Variants in AFF3 observed in about 807,000 individuals in gnomAD.
The protein encoded by AFF3 is ALF transcription elongation factor 3.
In AFF3, 32 loss-of-function variants were observed where a neutral mutation model predicts 129.7. The observed-to-expected ratio is 0.25, with a 90% CI of 0.19 to 0.33. The LOEUF (loss-of-function observed/expected upper bound fraction) is 0.33. AFF3 is among the 10% of genes least tolerant of loss of function. The probability of loss-of-function intolerance (pLI) is 1.00; values close to 1 mark genes in which losing one functional copy is unlikely to be tolerated. For synonymous variants in AFF3, 644 were observed against 635.4 expected, an observed-to-expected ratio of 1.01 and a Z score of -0.20; for missense variants, 1,373 against 1,592.0, an observed-to-expected ratio of 0.86 and a Z score of 2.34.
intron 7 of AFF3, among the ~76,000 whole-genome samples, chr2:99,909,068 C>T (rs572682258): frequency 6.6e-5 from 10 of 152,128 alleles, no homozygotes; most frequent in African/African-American, 2.2e-4. Flanking sequence ...TTCACAATAG[C>T]AAAGACTTGG....
At chr2:100,047,370 G>A (rs901059176) in intron 4 of AFF3, among the ~76,000 whole-genome samples, 1 of 152,168 alleles carries the variant, frequency 6.6e-6, no homozygotes, top group African/African-American at 2.4e-5. Context: ...GGTGACAGAA[G>A]GTGAATGCAA....
intron 7 of AFF3, among the ~76,000 whole-genome samples, chr2:99,996,605 C>G (rs934416416): frequency 7.8e-5 from 11 of 141,744 alleles, no homozygotes; most frequent in Admixed American, 1.5e-4. Flanking sequence ...TGGTCTCGAT[C>G]TCCTGACCTT....
At chr2:99,836,014 C>T (rs1688847096) in intron 8 of AFF3, among the ~76,000 whole-genome samples, 1 of 152,174 alleles carries the variant, frequency 6.6e-6, no homozygotes. Context: ...TTTGCTTTAC[C>T]TAAACTCTAT....
intron 13 of AFF3, among the ~76,000 whole-genome samples, chr2:99,620,521 C>T (rs1681899173): frequency 6.6e-6 from 1 of 152,016 alleles, no homozygotes; most frequent in Admixed American, 6.6e-5. Context: ...CCTAATTACT[C>T]GGAGGCTGAG....
At chr2:99,589,305 G>A (rs1487750715) in intron 15 of AFF3, among the ~76,000 whole-genome samples, 1 of 151,934 alleles carries the variant, frequency 6.6e-6, no homozygotes, top group Non-Finnish European at 1.5e-5. Flanking sequence ...AGGAATAGCA[G>A]GTAGGGAAGA....
intron 10 of AFF3, among the ~76,000 whole-genome samples, chr2:99,729,363 T>G (rs763129679): frequency 7.2e-5 from 11 of 152,178 alleles, no homozygotes; most frequent in Admixed American, 4.6e-4. Flanking sequence ...ACTTATGTTG[T>G]GGCAACAGGG....
chr2:99,622,198 G>T (rs1682088316), intron 13 of AFF3, among the ~76,000 whole-genome samples: 2 of 152,086 alleles, frequency 1.3e-5, no homozygotes, highest in South Asian at 4.1e-4. Context: ...GAGGGTGGGT[G>T]CGTTCTCCTC....
chr2:99,776,873 C>T (rs62150112), intron 8 of AFF3, among the ~76,000 whole-genome samples: 3 of 152,180 alleles, frequency 2.0e-5, no homozygotes, highest in Non-Finnish European at 2.9e-5. Context: ...AAAATCAGAC[C>T]ACCATCAGCA....
intron 24 of AFF3, among the ~76,000 whole-genome samples, chr2:99,553,273 T>C (rs555325911): frequency 1.3e-5 from 2 of 152,336 alleles, no homozygotes; most frequent in African/African-American, 4.8e-5. Flanking sequence ...TGGTGGCTTC[T>C]GACCCCCATG....
At chr2:100,055,593 A>G (rs1280828678) in intron 4 of AFF3, among the ~76,000 whole-genome samples, 1 of 152,188 alleles carries the variant, frequency 6.6e-6, no homozygotes, top group Admixed American at 6.5e-5. Flanking sequence ...AGGTGATTCT[A>G]ATGTACAGCA....
chr2:99,865,886 T>C (rs1460956031), intron 7 of AFF3, among the ~76,000 whole-genome samples: 1 of 152,228 alleles, frequency 6.6e-6, no homozygotes, highest in Non-Finnish European at 1.5e-5. Context: ...TCTATAAGCC[T>C]ATTATGGATA....
At chr2:99,882,677 T>C (rs1190695309) in intron 7 of AFF3, among the ~76,000 whole-genome samples, 2 of 152,254 alleles carry the variant, frequency 1.3e-5, no homozygotes, top group Non-Finnish European at 2.9e-5. Context: ...CTGGCCATCC[T>C]GTTCCAGTTT....
chr2:99,645,219 C>T (rs1684590124), intron 13 of AFF3, among the ~76,000 whole-genome samples: 1 of 152,096 alleles, frequency 6.6e-6, no homozygotes, highest in Non-Finnish European at 1.5e-5. Flanking sequence ...TGGCACTGGG[C>T]AGGGCACGGG....
intron 7 of AFF3, among the ~76,000 whole-genome samples, chr2:99,929,463 A>G (rs1576368954): frequency 1.3e-5 from 2 of 152,234 alleles, no homozygotes; most frequent in Admixed American, 6.5e-5. Flanking sequence ...GAACCTAATC[A>G]TCCCTTTCAT....
intron 19 of AFF3, among the ~76,000 whole-genome samples, chr2:99,566,195 G>A (rs1010428044): frequency 6.6e-6 from 1 of 150,828 alleles, no homozygotes; most frequent in Non-Finnish European, 1.5e-5. Flanking sequence ...TCCTGCCTCA[G>A]CCTCCCACGT....
intron 10 of AFF3, among the ~76,000 whole-genome samples, chr2:99,730,240 A>G (rs540457393): frequency 6.6e-6 from 1 of 152,128 alleles, no homozygotes; most frequent in Non-Finnish European, 1.5e-5. Flanking sequence ...TGAGATATGA[A>G]ACAGCTTGCT....
At chr2:99,663,671 C>T (rs867611546) in intron 12 of AFF3, among the ~76,000 whole-genome samples, 13 of 152,114 alleles carry the variant, frequency 8.5e-5, no homozygotes, top group Admixed American at 2.6e-4. Flanking sequence ...AGGGGATAAA[C>T]CATGTTCATT....
At chr2:100,130,381 C>A (rs1015964242) in intron 1 of AFF3, among the ~76,000 whole-genome samples, 1 of 152,178 alleles carries the variant, frequency 6.6e-6, no homozygotes, top group Non-Finnish European at 1.5e-5. Context: ...CTGTCCTCTG[C>A]GCAAAAGTAA....
At position 99,811,682 on chromosome 2, in the gene AFF3, A is replaced by T. The variant is rs1370166914; in HGVS notation, c.921+25795T>A. 5.3e-5 allele frequency among the ~76,000 whole-genome samples: 8 copies of T among 152,242 alleles called. No individual in the cohort carries two copies. In the East Asian group the frequency reaches 1.5e-3, roughly 29 times the overall value. ...ATTCTCCCTCCATTAATTCAGTCTT[A>T]TCCCTGATCCATGCTTGCAAAGCAA... is the stretch of plus-strand genomic sequence containing the variant. On this transcript the variant is annotated intron_variant, in intron 8 of 24. Coordinates refer to ENST00000672756, the MANE Select transcript of AFF3 (RefSeq NM_001386135.1).
Sources: allele counts gnomAD v4.1 joint callset (sites outside exome capture counted in the v4.1 genomes callset), GRCh38; gene constraint gnomAD v4.1.1; transcripts MANE v1.5; gene names NCBI Gene and HGNC (gene_info 2026-07-23, HGNC 2026-07-21).